The following PFKFB3 variants were observed in gnomAD, a reference collection of about 807,000 sequenced individuals.
The protein encoded by PFKFB3 is 6-phosphofructo-2-kinase/fructose-2,6-bisphosphatase 3.
In PFKFB3, 33 loss-of-function variants were observed where a neutral mutation model predicts 68.0. The observed-to-expected ratio is 0.49, with a 90% CI of 0.37 to 0.65. The LOEUF (loss-of-function observed/expected upper bound fraction) is 0.65, where lower values mean the gene tolerates loss of function less well. Among genes scored for constraint, PFKFB3 ranks in the 30% least tolerant of loss-of-function variants. The pLI is 0.00. For synonymous variants in PFKFB3, 315 were observed against 288.2 expected (o/e 1.09, Z -0.94); for missense variants, 586 against 712.2 (o/e 0.82, Z 2.02).
intron 1 of PFKFB3, among the ~76,000 whole-genome samples, chr10:6,187,656 T>C (rs1376022609): frequency 6.6e-6 from 1 of 152,210 alleles, no homozygotes; most frequent in Non-Finnish European, 1.5e-5. Context: ...ATGTCTTGAT[T>C]CATTGTTTAT....
intron 1 of PFKFB3, among the ~76,000 whole-genome samples, chr10:6,209,685 G>A (rs1213574944): frequency 2.6e-5 from 4 of 151,026 alleles, no homozygotes; most frequent in South Asian, 4.2e-4. Flanking sequence ...GGCTGGTTTC[G>A]AACTCCTGAC....
At chr10:6,224,085 T>C (rs1467192327) in intron 12 of PFKFB3, 64 bp from the exon 13 acceptor site, 17 of 1,611,718 alleles carry the variant, frequency 1.1e-5, no homozygotes, top group Non-Finnish European at 1.4e-5. Flanking sequence ...CTTGTGGCCG[T>C]GGGCTGTAAG....
intron 14 of PFKFB3, among the ~76,000 whole-genome samples, chr10:6,230,467 G>A (rs1845668336): frequency 6.6e-6 from 1 of 152,178 alleles, no homozygotes; most frequent in African/African-American, 2.4e-5. Context: ...TCATAAAGTT[G>A]TCATAATGAG....
chr10:6,294,210 T>C, the PFKFB3 span: 15 of 529,546 alleles, frequency 2.8e-5, no homozygotes, highest in Non-Finnish European at 4.3e-5. Context: ...TTGAGAGATG[T>C]GAACAGAAGC....
intron 1 of PFKFB3, among the ~76,000 whole-genome samples, chr10:6,147,845 G>A (rs548064143): frequency 7.9e-5 from 12 of 152,178 alleles, no homozygotes; most frequent in South Asian, 6.2e-4. Context: ...GGAGCCTGAC[G>A]GGGTGGTCCA....
At chr10:6,169,013 C>G (rs950555382) in intron 1 of PFKFB3, among the ~76,000 whole-genome samples, 1 of 126,184 alleles carries the variant, frequency 7.9e-6, no homozygotes, top group Admixed American at 7.8e-5. Flanking sequence ...CTGGAGTGCA[C>G]TGGTCACTGC....
chr10:6,324,867 C>T, the PFKFB3 span, among the ~76,000 whole-genome samples: 1 of 151,212 alleles, frequency 6.6e-6, no homozygotes, highest in African/African-American at 2.4e-5. Flanking sequence ...TGGATCTTAA[C>T]TTAGGGCTCA....
rs992304903 is a variant in PFKFB3, at chr10:6,205,594, T to C, written c.76+2258T>C. Among the ~76,000 whole-genome samples, 3 of 152,046 alleles carry C rather than the reference T, an allele frequency of 2.0e-5. No individual in the cohort carries two copies. The East Asian group carries it at 5.8e-4, about 29-fold the overall frequency. ...TTTTAGTAAAGACGGGGTTTCACCA[T>C]GTTGGCCAGGCTGGTCTTGAACTCC... is the stretch of plus-strand genomic sequence containing the variant. On this transcript the variant is annotated intron_variant, in intron 1 of 14. Transcript: ENST00000379775.
At chr10:6,202,803 C>A (rs769547256), upstream of PFKFB3, 76 of 868,418 alleles carry the variant, frequency 8.8e-5, no homozygotes, top group Non-Finnish European at 9.5e-5. Flanking sequence ...GGCTGCTTCC[C>A]GGCTCGCCCA....
At chr10:6,185,496 G>T (rs570403034) in intron 1 of PFKFB3, among the ~76,000 whole-genome samples, 2 of 152,304 alleles carry the variant, frequency 1.3e-5, no homozygotes, top group East Asian at 1.9e-4. Flanking sequence ...GGACGCCAGG[G>T]TCTCCCATCG....
chr10:6,240,808 C>T (rs1289141500), intron 14 of PFKFB3, among the ~76,000 whole-genome samples: 1 of 152,094 alleles, frequency 6.6e-6, no homozygotes, highest in Non-Finnish European at 1.5e-5. Context: ...CACCTTATCT[C>T]CTTAGACTCC....
the PFKFB3 span, among the ~76,000 whole-genome samples, chr10:6,266,563 T>G: frequency 1.3e-5 from 2 of 152,204 alleles, no homozygotes; most frequent in Non-Finnish European, 2.9e-5. Flanking sequence ...GTGTGTGTGT[T>G]CACATATGCG....
intron 1 of PFKFB3, among the ~76,000 whole-genome samples, chr10:6,188,019 A>G (rs562239307): frequency 1.6e-3 from 229 of 141,514 alleles, no homozygotes; most frequent in African/African-American, 5.6e-3. Flanking sequence ...ATATATATAT[A>G]TCTGCCTCAT....
chr10:6,311,250 A>G, the PFKFB3 span, among the ~76,000 whole-genome samples: 1 of 152,010 alleles, frequency 6.6e-6, no homozygotes, highest in Non-Finnish European at 1.5e-5. Context: ...CAGGAATGTG[A>G]TTTCCTGTAT....
chr10:6,288,236 G>A, the PFKFB3 span, among the ~76,000 whole-genome samples: 105 of 147,424 alleles, frequency 7.1e-4, no homozygotes, highest in Non-Finnish European at 1.1e-3. Context: ...AAGTTTTAGG[G>A]TACATGTGCA....
chr10:6,148,103 A>G (rs1564581456), intron 1 of PFKFB3, among the ~76,000 whole-genome samples: 1 of 152,238 alleles, frequency 6.6e-6, no homozygotes, highest in Non-Finnish European at 1.5e-5. Flanking sequence ...TACCAGCTGA[A>G]CAGCAAGACA....
intron 1 of PFKFB3, among the ~76,000 whole-genome samples, chr10:6,187,604 A>G (rs1171252228): frequency 6.6e-6 from 1 of 152,098 alleles, no homozygotes; most frequent in Non-Finnish European, 1.5e-5. Flanking sequence ...AATTAAATGT[A>G]TTTGTCATTA....
chr10:6,262,466 A>AG, the PFKFB3 span, among the ~76,000 whole-genome samples: 7 of 146,036 alleles, frequency 4.8e-5, no homozygotes, highest in Admixed American at 3.5e-4. Flanking sequence ...AAAAAAAAAA[A>AG]AAAAAAAAAA....
the PFKFB3 span, among the ~76,000 whole-genome samples, chr10:6,302,400 G>T: frequency 1.6e-4 from 6 of 38,456 alleles, no homozygotes; most frequent in East Asian, 8.2e-4. Context: ...TTTTTTTTTT[G>T]AGACGGAGTC....
Sources: allele counts gnomAD v4.1 joint callset (sites outside exome capture counted in the v4.1 genomes callset), GRCh38; gene constraint gnomAD v4.1.1; transcripts MANE v1.5; gene names NCBI Gene and HGNC (gene_info 2026-07-23, HGNC 2026-07-21).